Variants in MARK1 observed in about 807,000 individuals in gnomAD.
MARK1 encodes serine/threonine-protein kinase MARK1.
In MARK1, 40 loss-of-function variants were observed where a neutral mutation model predicts 96.3. That is an observed-to-expected ratio of 0.42 (90% CI 0.32 to 0.54). MARK1 has a LOEUF of 0.54. Among genes scored for constraint, MARK1 ranks in the 20% least tolerant of loss-of-function variants. MARK1 has a pLI of 0.16. For synonymous variants in MARK1, 317 were observed against 341.2 expected (o/e 0.93, Z 0.78); for missense variants, 719 against 984.6 (o/e 0.73, Z 3.61).
chr1:220,581,759 TAGAG>T (rs1226704736), intron 3 of MARK1, among the ~76,000 whole-genome samples: 3 of 152,230 alleles, frequency 2.0e-5, no homozygotes, highest in Admixed American at 6.5e-5. Flanking sequence ...TGAAACAACA[TAGAG>T]AGAAAAGAAA....
chr1:220,546,280 A>G (rs1248979542), intron 1 of MARK1, among the ~76,000 whole-genome samples: 1 of 152,246 alleles, frequency 6.6e-6, no homozygotes, highest in Non-Finnish European at 1.5e-5. Context: ...AACACCAGTT[A>G]AGAAAAGATT....
At chr1:220,549,114 A>G (rs1332540194) in intron 1 of MARK1, among the ~76,000 whole-genome samples, 1 of 152,168 alleles carries the variant, frequency 6.6e-6, no homozygotes, top group African/African-American at 2.4e-5. Context: ...TGCCCTTTGT[A>G]TACCACAATT....
chr1:220,658,271 C>T (rs1392408445), intron 17 of MARK1, among the ~76,000 whole-genome samples: 1 of 152,276 alleles, frequency 6.6e-6, no homozygotes, highest in South Asian at 2.1e-4. Flanking sequence ...TTTAAAAATT[C>T]TATCCAGGCA....
At chr1:220,591,308 AT>A (rs1664965000) in intron 3 of MARK1, among the ~76,000 whole-genome samples, 1 of 152,230 alleles carries the variant, frequency 6.6e-6, no homozygotes, top group Non-Finnish European at 1.5e-5. Flanking sequence ...GCCAGGAAAC[AT>A]CAGTATGTTT....
rs1328447484 is a variant in MARK1 at position 220,599,880 on chromosome 1, T to C, written c.424+17T>C. ...CGAGTGGGGGTAAGAATGAGGGTGA[T>C]TGAAAAGTTCTCTTTGCTGAGACAT... On this transcript the variant is annotated intron_variant, in intron 5 of 17. Transcript: ENST00000366917. 1 of 1,576,312 alleles carries C rather than the reference T, an allele frequency of 6.3e-7. No individual in the cohort carries two copies. The highest frequency in any genetic ancestry group is 1.8e-5 in the Admixed American group (1 of 56,980).
chr1:220,581,599 A>T (rs565332026), intron 3 of MARK1, among the ~76,000 whole-genome samples: 1 of 152,312 alleles, frequency 6.6e-6, no homozygotes, highest in East Asian at 1.9e-4. Flanking sequence ...AAGCTTCTTA[A>T]TTAAAAATCT....
At chr1:220,597,265 T>C (rs1031202040) in intron 3 of MARK1, among the ~76,000 whole-genome samples, 1 of 152,206 alleles carries the variant, frequency 6.6e-6, no homozygotes, top group East Asian at 1.9e-4. Flanking sequence ...ATGGTAATTC[T>C]GTTTTTAATT....
chr1:220,661,429 T>G (rs1485207626), intron 17 of MARK1, among the ~76,000 whole-genome samples: 3 of 152,208 alleles, frequency 2.0e-5, no homozygotes, highest in South Asian at 2.1e-4. Context: ...AAAAGAAATT[T>G]TTTATATTTC....
intron 1 of MARK1, among the ~76,000 whole-genome samples, chr1:220,576,166 C>T (rs1315961907): frequency 1.3e-5 from 2 of 150,912 alleles, no homozygotes; most frequent in African/African-American, 4.9e-5. Flanking sequence ...TGCCGTGTAA[C>T]AAATCATCCC....
intron 9 of MARK1, chr1:220,627,517 GCTTT>G: frequency 2.6e-6 from 1 of 386,914 alleles, no homozygotes; most frequent in South Asian, 2.1e-5. Context: ...CAGATTTTAT[GCTTT>G]CTATTTCTCT....
intron 1 of MARK1, among the ~76,000 whole-genome samples, chr1:220,556,783 A>G (rs1395682772): frequency 6.6e-6 from 1 of 152,224 alleles, no homozygotes; most frequent in Non-Finnish European, 1.5e-5. Context: ...CAGTAGAATG[A>G]TTAAGCAGCA....
intron 14 of MARK1, among the ~76,000 whole-genome samples, chr1:220,650,938 A>G (rs983634060): frequency 1.3e-5 from 2 of 152,192 alleles, no homozygotes; most frequent in African/African-American, 4.8e-5. Flanking sequence ...TTTACCTGCC[A>G]ATTTCTGAGT....
At chr1:220,607,487 C>T (rs1033408922) in intron 6 of MARK1, among the ~76,000 whole-genome samples, 24 of 152,150 alleles carry the variant, frequency 1.6e-4, no homozygotes, top group Admixed American at 9.2e-4. Flanking sequence ...CTCTTGACTT[C>T]CTCATTTCCT....
chr1:220,652,274 G>T, intron 15 of MARK1, 124 bp downstream of exon 15: 1 of 694,418 alleles, frequency 1.4e-6, no homozygotes, highest in African/African-American at 1.8e-5. Context: ...GTTTGTTATG[G>T]AGGAAAAATT....
chr1:220,611,680 G>A (rs1409438973), intron 6 of MARK1, among the ~76,000 whole-genome samples: 1 of 151,672 alleles, frequency 6.6e-6, no homozygotes, highest in African/African-American at 2.4e-5. Context: ...CTTCCTGTTC[G>A]GCCTTCTTGG....
At chr1:220,587,443 A>G (rs1348191993) in intron 3 of MARK1, among the ~76,000 whole-genome samples, 2 of 151,476 alleles carry the variant, frequency 1.3e-5, no homozygotes, top group Non-Finnish European at 2.9e-5. Flanking sequence ...ATCTCTGCTC[A>G]CTGCAACCTC....
Position 220,653,125 on chromosome 1 carries a change from T to C in MARK1, c.1761T>C (p.Ala587=). The C allele has an allele frequency of 6.2e-7, 1 of 1,614,232 alleles. No homozygotes were observed. Among genetic ancestry groups the C allele is most frequent in the Admixed American group, 1.7e-5 (1 of 60,028 alleles). Reference sequence around the variant, plus strand: ...GTACAACCCAGAGAGTGCCTGCTGCTTCCCCATCTGCTCACAGTATTAGTA... The same window carrying C: ...GTACAACCCAGAGAGTGCCTGCTGCCTCCCCATCTGCTCACAGTATTAGTA... The part of the protein sequence containing the change: ...RPGTTQRVPA[A]SPSAHSISTA... The change falls in exon 16 of 18, where the codon GCT becomes GCC. Residue 587 remains alanine, a synonymous_variant. Coordinates refer to ENST00000366917, the MANE Select transcript of MARK1 (RefSeq NM_018650.5).
chr1:220,549,066 A>G (rs1194859915), intron 1 of MARK1, among the ~76,000 whole-genome samples: 1 of 152,174 alleles, frequency 6.6e-6, no homozygotes, highest in Non-Finnish European at 1.5e-5. Context: ...CCTCTGTCTC[A>G]GCCCTCAGGC....
intron 6 of MARK1, among the ~76,000 whole-genome samples, chr1:220,610,264 C>T (rs970093750): frequency 5.3e-5 from 8 of 152,122 alleles, no homozygotes; most frequent in African/African-American, 1.9e-4. Context: ...ACTCTTTTTT[C>T]TCTAACCTTA....
Sources: gnomAD v4.1 joint callset for allele counts (sites outside exome capture counted in the v4.1 genomes callset) on GRCh38, gnomAD v4.1.1 for gene constraint, MANE v1.5 for transcripts, NCBI Gene and HGNC (gene_info 2026-07-23, HGNC 2026-07-21) for gene names.